MYO1H: variants seen among roughly 807,000 people sequenced by gnomAD.
MYO1H encodes the protein myosin IH.
A neutral mutation model predicts 149.3 loss-of-function variants in MYO1H; 118 were observed. That is an observed-to-expected ratio of 0.79 (90% CI 0.68 to 0.92). The LOEUF (loss-of-function observed/expected upper bound fraction) is 0.92. MYO1H is among the 40% of genes least tolerant of loss of function. The pLI is 0.00. For synonymous variants in MYO1H, 447 were observed against 465.2 expected (o/e 0.96, Z 0.50); for missense variants, 1,212 against 1,280.7 (o/e 0.95, Z 0.82).
At chr12:109,366,628 T>C (rs1868871357) in intron 1 of MYO1H, among the ~76,000 whole-genome samples, 1 of 152,150 alleles carries the variant, frequency 6.6e-6, no homozygotes, top group South Asian at 2.1e-4. Context: ...TCAGTGACTC[T>C]CCCTCAGATG....
At chr12:109,421,818 T>C (rs1002288282) in intron 16 of MYO1H, among the ~76,000 whole-genome samples, 3 of 152,094 alleles carry the variant, frequency 2.0e-5, no homozygotes, top group African/African-American at 4.8e-5. Flanking sequence ...CTGAGAAGTG[T>C]TGCTGCTGCT....
At chr12:109,388,887 TC>T in intron 2 of MYO1H, 43 bp downstream of exon 2, 1 of 1,563,890 alleles carries the variant, frequency 6.4e-7, no homozygotes, top group South Asian at 1.2e-5. Flanking sequence ...GGGTGGTTGT[TC>T]CCTTCTTGCC....
chr12:109,333,919 TTTAG>T, the MYO1H span, among the ~76,000 whole-genome samples: 68 of 152,300 alleles, frequency 4.5e-4, no homozygotes, highest in Admixed American at 1.8e-3. Flanking sequence ...ATTCATTTTA[TTTAG>T]TTAGTTTGTT....
intron 1 of MYO1H, among the ~76,000 whole-genome samples, chr12:109,358,799 T>C (rs1382727893): frequency 2.0e-5 from 3 of 149,222 alleles, no homozygotes; most frequent in Non-Finnish European, 3.0e-5. Flanking sequence ...TTTAAGATTT[T>C]TTTTTTTTTT....
chr12:109,381,975 G>A (rs1869213986), intron 1 of MYO1H, among the ~76,000 whole-genome samples: 1 of 152,126 alleles, frequency 6.6e-6, no homozygotes, highest in South Asian at 2.1e-4. Flanking sequence ...CATTTATCCT[G>A]CCTTTCCCTT....
At chr12:109,344,412 G>A (rs2048096055), upstream of MYO1H, among the ~76,000 whole-genome samples, 1 of 152,112 alleles carries the variant, frequency 6.6e-6, no homozygotes, top group South Asian at 2.1e-4. Flanking sequence ...AAATACTTAG[G>A]AATAAAGTTA....
intron 19 of MYO1H, 82 bp downstream of exon 19, chr12:109,427,668 T>C: frequency 1.0e-6 from 1 of 987,392 alleles, no homozygotes; most frequent in Non-Finnish European, 1.6e-6. Context: ...GTAAATAAAA[T>C]GGCATCCCTT....
chr12:109,433,035 T>C, intron 20 of MYO1H, 25 bp downstream of exon 20: 1 of 1,581,466 alleles, frequency 6.3e-7, no homozygotes, highest in Non-Finnish European at 8.7e-7. Flanking sequence ...GACCACCAAA[T>C]GGTCTCTTCC....
rs1257498589 is a variant in MYO1H at position 109,444,494 on chromosome 12, TAAG to T, written c.2962_2964del (p.Lys988del). Reference sequence around the variant, plus strand: ...CAGTTACTAAACTCGTCATGCTGGTTAAGAAGGAGAACATTGTCAATGTTGTTC... The same window carrying T: ...CAGTTACTAAACTCGTCATGCTGGTTAAGGAGAACATTGTCAATGTTGTTC... On this transcript the variant is annotated inframe_deletion, in exon 30 of 32. Coordinates refer to ENST00000310903, the Ensembl canonical transcript of MYO1H. 1.1e-5 allele frequency: 17 copies of T among 1,613,852 alleles called. No individual in the cohort carries two copies. In the African/African-American group the frequency reaches 1.3e-4, roughly 13 times the overall value.
chr12:109,320,607 G>A, the MYO1H span, among the ~76,000 whole-genome samples: 10 of 120,822 alleles, frequency 8.3e-5, no homozygotes, highest in Non-Finnish European at 1.3e-4. Context: ...CTGGGCAACA[G>A]AGCATGAATC....
chr12:109,402,448 G>A (rs1870205896), intron 6 of MYO1H, among the ~76,000 whole-genome samples: 1 of 152,078 alleles, frequency 6.6e-6, no homozygotes, highest in Non-Finnish European at 1.5e-5. Context: ...TGGAAGAAAA[G>A]AAGCCTTGAC....
chr12:109,423,876 T>C lies in MYO1H; in HGVS notation c.1645-872T>C, dbSNP rs1043976721. Among the ~76,000 whole-genome samples the C allele has an allele frequency of 4.6e-5, 7 of 152,278 alleles. No homozygotes were observed. In the South Asian group the frequency reaches 8.3e-4, roughly 18 times the overall value. On this transcript the variant is annotated intron_variant, in intron 16 of 31. Coordinates refer to ENST00000310903, the Ensembl canonical transcript of MYO1H. ...TTTTCTGGTAAAGAATTAAATATTTTAAAAAATTAAGGACTTTTGGTGATA... is the reference window on the plus strand; with the variant it reads ...TTTTCTGGTAAAGAATTAAATATTTCAAAAAATTAAGGACTTTTGGTGATA...
chr12:109,401,832 T>A (rs1870182083), intron 6 of MYO1H, among the ~76,000 whole-genome samples: 1 of 152,016 alleles, frequency 6.6e-6, no homozygotes, highest in Non-Finnish European at 1.5e-5. Flanking sequence ...CTTGACCTCC[T>A]GGGCTCAAGT....
At chr12:109,347,573 A>G (rs1868362471), upstream of MYO1H, among the ~76,000 whole-genome samples, 1 of 144,244 alleles carries the variant, frequency 6.9e-6, no homozygotes, top group Non-Finnish European at 1.6e-5. Context: ...AGATTGGGAG[A>G]ATTTTCTTTT....
intron 1 of MYO1H, among the ~76,000 whole-genome samples, chr12:109,353,889 T>C (rs899856100): frequency 6.6e-6 from 1 of 152,158 alleles, no homozygotes; most frequent in African/African-American, 2.4e-5. Context: ...ACTCCTGACC[T>C]CAGGTGATCT....
chr12:109,421,113 AT>A (rs57928470), intron 16 of MYO1H, 86 bp downstream of exon 16: 135,926 of 652,008 alleles, frequency 0.21, 1,062 homozygotes, highest in South Asian at 0.31. Context: ...CGCCTTCTGG[AT>A]TTTTTTTTTT....
At chr12:109,392,489 G>A (rs1023175302) in intron 2 of MYO1H, among the ~76,000 whole-genome samples, 6 of 152,138 alleles carry the variant, frequency 3.9e-5, no homozygotes, top group African/African-American at 7.2e-5. Flanking sequence ...TTGGGAGGCC[G>A]AGGCAGGCAG....
intron 1 of MYO1H, among the ~76,000 whole-genome samples, chr12:109,374,082 A>G (rs999171229): frequency 1.3e-5 from 2 of 152,262 alleles, no homozygotes; most frequent in Admixed American, 6.5e-5. Flanking sequence ...CTTTCTTTGA[A>G]CAATGCTGTT....
At chr12:109,420,915 T>G in intron 15 of MYO1H, 66 bp from the exon 16 acceptor site, 1 of 843,038 alleles carries the variant, frequency 1.2e-6, no homozygotes, top group Non-Finnish European at 2.0e-6. Flanking sequence ...TTGCAATGAG[T>G]TGGGATGGAA....
Sources: gnomAD v4.1 joint callset for allele counts (sites outside exome capture counted in the v4.1 genomes callset) on GRCh38, gnomAD v4.1.1 for gene constraint, MANE v1.5 for transcripts, NCBI Gene and HGNC (gene_info 2026-07-23, HGNC 2026-07-21) for gene names.